The following ARMC2 variants were observed in gnomAD, a reference collection of about 807,000 sequenced individuals.
The protein encoded by ARMC2 is armadillo repeat containing 2.
ARMC2 carries 67 observed loss-of-function variants against 90.3 expected under a neutral mutation model. The observed-to-expected ratio is 0.74, with a 90% CI of 0.61 to 0.91. ARMC2 has a LOEUF of 0.91. Ranked by LOEUF, ARMC2 falls within the 40% of genes least tolerant of loss-of-function variation. ARMC2 has a pLI of 0.00. For synonymous variants in ARMC2, 393 were observed against 393.0 expected, an observed-to-expected ratio of 1.00 and a Z score of 0.00; for missense variants, 920 against 1,030.9, an observed-to-expected ratio of 0.89 and a Z score of 1.47.
At chr6:108,950,862 G>A (rs1216092352) in intron 12 of ARMC2, among the ~76,000 whole-genome samples, 1 of 152,130 alleles carries the variant, frequency 6.6e-6, no homozygotes, top group East Asian at 1.9e-4. Context: ...CAGCTTCCAA[G>A]GTTGAACTCA....
intron 13 of ARMC2, among the ~76,000 whole-genome samples, chr6:108,954,856 G>A (rs569903439): frequency 1.2e-4 from 19 of 152,232 alleles, no homozygotes; most frequent in Admixed American, 4.6e-4. Context: ...ACAAAATCCC[G>A]TAAACTGGGG....
At chr6:109,006,473 G>A in the ARMC2 span, among the ~76,000 whole-genome samples, 42 of 82,830 alleles carry the variant, frequency 5.1e-4, no homozygotes, top group East Asian at 6.9e-4. Context: ...GACAGGCCCC[G>A]GTGTGTGATG....
chr6:108,906,268 G>GA (rs879840044), intron 8 of ARMC2, among the ~76,000 whole-genome samples: 5 of 151,940 alleles, frequency 3.3e-5, no homozygotes, highest in African/African-American at 1.2e-4. Context: ...ATTTAGGAGG[G>GA]AAAAAATCTA....
At position 108,953,121 on chromosome 6, in the gene ARMC2, G is replaced by T. The variant is rs1156877189; in HGVS notation, c.1685G>T (p.Ser562Ile). ...GAACAATTTTCCAAAGAGAAAGGGA[G>T]CATCCAAACTCTGCTGTCATTATTC... Reference protein sequence around the residue: ...AREQFSKEKGSIQTLLSLFQT... With the variant: ...AREQFSKEKGIIQTLLSLFQT... Residue 562 changes from serine to isoleucine, a missense_variant, in exon 13 of 18, where the codon AGC becomes ATC. Physicochemically the swap from Ser to Ile is moderately radical, Grantham distance 142 (BLOSUM62 -2). Transcript: ENST00000392644. The T allele has an allele frequency of 1.2e-6, 2 of 1,613,990 alleles. No homozygotes were observed. The highest frequency in any genetic ancestry group is 1.7e-6 in the Non-Finnish European group (2 of 1,179,892).
chr6:109,035,632 T>G, the ARMC2 span, among the ~76,000 whole-genome samples: 1 of 152,164 alleles, frequency 6.6e-6, no homozygotes, highest in South Asian at 2.1e-4. Flanking sequence ...TCACTTTTTT[T>G]GAGAAGGGGT....
downstream of ARMC2, among the ~76,000 whole-genome samples, chr6:108,978,142 A>G (rs1248851070): frequency 6.6e-6 from 1 of 152,230 alleles, no homozygotes; most frequent in African/African-American, 2.4e-5. Flanking sequence ...ATTCAGTGCT[A>G]TAAATTTTCC....
chr6:108,996,783 A>G, the ARMC2 span, among the ~76,000 whole-genome samples: 1 of 152,236 alleles, frequency 6.6e-6, no homozygotes, highest in African/African-American at 2.4e-5. Context: ...ACTTAGAAGC[A>G]ACCAATGTGT....
chr6:108,862,083 C>G (rs1437888170), intron 3 of ARMC2, among the ~76,000 whole-genome samples: 5 of 152,088 alleles, frequency 3.3e-5, no homozygotes, highest in African/African-American at 1.2e-4. Flanking sequence ...GTGGCTCATG[C>G]ATGTGATCCC....
At chr6:108,859,432 T>C (rs1274170368) in intron 3 of ARMC2, among the ~76,000 whole-genome samples, 2 of 152,152 alleles carry the variant, frequency 1.3e-5, no homozygotes, top group African/African-American at 4.8e-5. Flanking sequence ...TGAGAAAGGG[T>C]ACATGGGAAG....
chr6:108,960,359 T>C (rs914259405), intron 13 of ARMC2, among the ~76,000 whole-genome samples: 1 of 152,178 alleles, frequency 6.6e-6, no homozygotes, highest in Admixed American at 6.5e-5. Context: ...CTGCCTCTTC[T>C]CATCCTCACA....
chr6:108,859,770 C>T (rs1021475004), intron 3 of ARMC2, among the ~76,000 whole-genome samples: 4 of 151,958 alleles, frequency 2.6e-5, no homozygotes, highest in African/African-American at 9.7e-5. Flanking sequence ...TTTGGCGGAC[C>T]CAGGCAGGCA....
intron 11 of ARMC2, among the ~76,000 whole-genome samples, chr6:108,935,320 G>A (rs1011006832): frequency 1.3e-5 from 2 of 151,904 alleles, no homozygotes; most frequent in African/African-American, 4.8e-5. Context: ...TCAACTCTCT[G>A]TGAATATATC....
rs1156823883 is a variant in ARMC2 at position 108,970,494 on chromosome 6, CTT to C, written c.2447-2843_2447-2842del. On this transcript the variant is annotated intron_variant, in intron 17 of 17. Transcript: ENST00000392644. ...CTTTCTTTTCTTTTTCTTCTCTTTT[CTT>C]TTTTTTTTTTTTTTTTTTTGAGACA... Among the ~76,000 whole-genome samples, 990 of 117,240 alleles carry C rather than the reference CTT, an allele frequency of 8.4e-3. 3 individuals carry two copies. Among genetic ancestry groups the C allele is most frequent in the Middle Eastern group, 0.015 (3 of 200 alleles). 76.9% of individuals were successfully genotyped at this position (117,240 alleles called of 152,430 possible). A position where few individuals can be genotyped will look rare whatever the true frequency, so the allele number is the denominator to read the frequency against.
At chr6:109,017,131 A>G in the ARMC2 span, among the ~76,000 whole-genome samples, 12 of 152,162 alleles carry the variant, frequency 7.9e-5, no homozygotes, top group African/African-American at 2.7e-4. Context: ...GACAAACATG[A>G]ACTGTTGTAG....
chr6:108,928,063 T>C, intron 10 of ARMC2, 25 bp from the exon 11 acceptor site: 1 of 1,578,056 alleles, frequency 6.3e-7, no homozygotes, highest in Non-Finnish European at 8.6e-7. Context: ...TCAAAAAAAA[T>C]GGCACAAGCA....
chr6:108,970,693 T>A (rs1221316871), intron 17 of ARMC2, among the ~76,000 whole-genome samples: 1 of 151,422 alleles, frequency 6.6e-6, no homozygotes. Context: ...AGATGGGGTT[T>A]CATCATGTTG....
the ARMC2 span, among the ~76,000 whole-genome samples, chr6:109,042,602 A>G: frequency 6.6e-6 from 1 of 151,902 alleles, no homozygotes; most frequent in South Asian, 2.1e-4. Context: ...ATACTCATAC[A>G]TTTGACAAGT....
chr6:108,906,245 T>C (rs936285918), intron 8 of ARMC2, among the ~76,000 whole-genome samples: 2 of 152,112 alleles, frequency 1.3e-5, no homozygotes, highest in South Asian at 2.1e-4. Context: ...ATATACAGTA[T>C]GAATGTGACT....
the ARMC2 span, chr6:109,001,176 CAT>C: frequency 1.1e-6 from 1 of 882,338 alleles, no homozygotes; most frequent in Non-Finnish European, 1.7e-6. Context: ...CAACAGGAAT[CAT>C]ATTATATATC....
Sources: gnomAD v4.1 joint callset for allele counts (sites outside exome capture counted in the v4.1 genomes callset) on GRCh38, gnomAD v4.1.1 for gene constraint, MANE v1.5 for transcripts, NCBI Gene and HGNC (gene_info 2026-07-23, HGNC 2026-07-21) for gene names.